Variants in ENG observed in about 807,000 individuals in gnomAD.
The protein encoded by ENG is CD105 antigen.
ENG carries 17 observed loss-of-function variants against 71.0 expected under a neutral mutation model. That is an observed-to-expected ratio of 0.24 (90% CI 0.16 to 0.36). The LOEUF (loss-of-function observed/expected upper bound fraction) is 0.36, where lower values mean the gene tolerates loss of function less well. Ranked by LOEUF, ENG falls within the 10% of genes least tolerant of loss-of-function variation. The probability of loss-of-function intolerance (pLI) is 1.00; values close to 1 mark genes in which losing one functional copy is unlikely to be tolerated. For missense variants in ENG, 749 were observed against 868.3 expected, an observed-to-expected ratio of 0.86 and a Z score of 1.73; for synonymous variants, 360 against 366.9, an observed-to-expected ratio of 0.98 and a Z score of 0.21.
intron 10 of ENG, chr9:127,819,132 T>C: frequency 2.7e-6 from 1 of 374,452 alleles, no homozygotes; most frequent in Non-Finnish European, 5.1e-6. Context: ...AGATACGGGG[T>C]TTCACCATGT....
chr9:127,843,535 T>A (rs969626115), intron 1 of ENG, among the ~76,000 whole-genome samples: 8 of 151,788 alleles, frequency 5.3e-5, no homozygotes, highest in Admixed American at 1.3e-4. Flanking sequence ...TGCATTTTTT[T>A]AAGTATTAGT....
chr9:127,832,784 G>A (rs989769505), intron 2 of ENG: 1 of 152,058 alleles, frequency 6.6e-6, no homozygotes, highest in Non-Finnish European at 1.5e-5. Flanking sequence ...TTGAGATGGA[G>A]TCTTGCTCTG....
chr9:127,849,206 G>A (rs190171650), intron 1 of ENG, among the ~76,000 whole-genome samples: 8 of 152,346 alleles, frequency 5.3e-5, no homozygotes, highest in South Asian at 2.1e-4. Flanking sequence ...GTAGGGGAAC[G>A]ACGTAGCAGT....
rs1467966974 is a variant in ENG, at chr9:127,825,621, GA to G, written c.689+73del. On this transcript the variant is annotated intron_variant, in intron 5 of 14. Transcript: ENST00000373203. Reference sequence around the variant, plus strand: ...GGGTGGGGCTTTATAAGGGACCGGAGAGGGGGCGGGGGGGGTCAGGGGGGTG... The same window carrying G: ...GGGTGGGGCTTTATAAGGGACCGGAGGGGGGCGGGGGGGGTCAGGGGGGTG... 6.9e-6 allele frequency: 9 copies of G among 1,304,402 alleles called. No individual in the cohort carries two copies. The East Asian group carries it at 8.2e-5, about 12-fold the overall frequency. The allele number at this position is 1,304,402 out of a possible 1,614,324, so 80.8% of individuals were successfully genotyped here. A position where few individuals can be genotyped will look rare whatever the true frequency, so the allele number is the denominator to read the frequency against.
chr9:127,838,837 C>T lies in ENG; in HGVS notation c.219+4257G>A, dbSNP rs1830963785. ...CTGCCCAGCGGGGCTGTCTGCAGAC[C>T]TGCCCAGCACACGCACTGAGCGGCA... On this transcript the variant is annotated intron_variant, in intron 2 of 14. Transcript: ENST00000373203. This position sits in a 1 kb window ranked among gnomAD's most constrained non-coding sequence, Gnocchi z 4.3. Among the ~76,000 whole-genome samples the T allele has an allele frequency of 6.6e-6, 1 of 152,186 alleles. No homozygotes were observed. Among genetic ancestry groups the T allele is most frequent in the African/African-American group, 2.4e-5 (1 of 41,438 alleles).
Position 127,829,749 on chromosome 9 carries a change from T to C in ENG, c.298A>G (p.Ser100Gly). ...TGCAGGAAGACACTGCTGTTTACAC[T>C]GAGGACCAGAAGCACCTCTCGGGGC... ...TWPREVLLVL[S>G]VNSSVFLHLQ... The change falls in exon 3 of 15, where the codon AGT becomes GGT. Residue 100 changes from serine to glycine, a missense_variant. By Grantham distance (56) the Ser-to-Gly change is moderately conservative. Transcript: ENST00000373203. 1 of 1,614,094 alleles carries C rather than the reference T, an allele frequency of 6.2e-7. No individual in the cohort carries two copies. The highest frequency in any genetic ancestry group is 1.1e-5 in the South Asian group (1 of 91,074).
At chr9:127,830,914 G>C (rs1830750593) in intron 2 of ENG, among the ~76,000 whole-genome samples, 1 of 151,890 alleles carries the variant, frequency 6.6e-6, no homozygotes, top group South Asian at 2.1e-4. Flanking sequence ...AATCCTGGGG[G>C]GTTGTTTTGG....
Position 127,850,622 on chromosome 9 carries a change from C to T in ENG, c.67+3667G>A, listed in dbSNP as rs192263479. On this transcript the variant is annotated intron_variant, in intron 1 of 14. Coordinates refer to ENST00000373203, the MANE Select transcript of ENG (RefSeq NM_001114753.3). ...AGAGACAGGTGTTTGTGGTCTCGCT[C>T]TTGCGCCACTGACCCTTCTCCAGCA... Among the ~76,000 whole-genome samples, 406 of 152,342 alleles carry T rather than the reference C, an allele frequency of 2.7e-3. 1 individual carries two copies. The highest frequency in any genetic ancestry group is 4.7e-3 in the Non-Finnish European group (319 of 68,044).
chr9:127,842,669 C>T (rs1230542947), intron 2 of ENG, among the ~76,000 whole-genome samples: 4 of 152,258 alleles, frequency 2.6e-5, no homozygotes, highest in South Asian at 2.1e-4. Flanking sequence ...GTGATCTACC[C>T]GCCTCGGCCT....
At chr9:127,821,880 T>TAAAAAAAAA (rs34166162) in intron 8 of ENG, among the ~76,000 whole-genome samples, 1 of 53,052 alleles carries the variant, frequency 1.9e-5, no homozygotes, top group Non-Finnish European at 3.6e-5. Context: ...GAGACTGTCT[T>TAAAAAAAAA]AAAAAAAAAA....
Position 127,817,205 on chromosome 9 carries a change from T to C in ENG, c.1687-2A>G, listed in dbSNP as rs2131873933. The C allele has an allele frequency of 6.2e-7, 1 of 1,614,182 alleles. No homozygotes were observed. Among genetic ancestry groups the C allele is most frequent in the South Asian group, 1.1e-5 (1 of 91,088 alleles). ...CATGAAGACAGTCCTATGGACTTCC[T>C]GGAGGAGAAAGAGAGAGCAGTATGT... On this transcript the variant is annotated splice_acceptor_variant, in intron 12 of 14. Coordinates refer to ENST00000373203, the MANE Select transcript of ENG (RefSeq NM_001114753.3). LOFTEE classifies it high-confidence loss of function.
chr9:127,845,268 C>T (rs1244661057), intron 1 of ENG, among the ~76,000 whole-genome samples: 1 of 152,216 alleles, frequency 6.6e-6, no homozygotes, highest in Non-Finnish European at 1.5e-5. Context: ...GGAGCCTCAC[C>T]GGCCTCCTTC....
chr9:127,849,022 T>A (rs1831234343), intron 1 of ENG, among the ~76,000 whole-genome samples: 1 of 152,202 alleles, frequency 6.6e-6, no homozygotes, highest in South Asian at 2.1e-4. Flanking sequence ...CCTGGTCATG[T>A]GCTTTGACCT....
intron 1 of ENG, among the ~76,000 whole-genome samples, chr9:127,844,291 A>T (rs1411334904): frequency 6.7e-6 from 1 of 149,180 alleles, no homozygotes; most frequent in African/African-American, 2.5e-5. Flanking sequence ...ATGCCTGGCT[A>T]ATTTTTTGTA....
At position 127,838,147 on chromosome 9, in the gene ENG, C is replaced by T. The variant is rs41528345; in HGVS notation, c.219+4947G>A. 0.015 allele frequency among the ~76,000 whole-genome samples: 2,272 copies of T among 152,304 alleles called. 45 individuals carry two copies. Among genetic ancestry groups the T allele is most frequent in the African/African-American group, 0.051 (2,115 of 41,566 alleles). On this transcript the variant is annotated intron_variant, in intron 2 of 14. Coordinates refer to ENST00000373203, the MANE Select transcript of ENG (RefSeq NM_001114753.3). This position sits in a 1 kb window ranked among gnomAD's most constrained non-coding sequence, Gnocchi z 4.3. ...CAACCATCCTTCAGGTCTGGGGGAGCTCACATAGCCATGCAGTGCTCCCCT... is the reference window on the plus strand; with the variant it reads ...CAACCATCCTTCAGGTCTGGGGGAGTTCACATAGCCATGCAGTGCTCCCCT...
At chr9:127,824,689 C>G (rs543490735) in intron 7 of ENG, 111 bp downstream of exon 7, 15 of 1,266,788 alleles carry the variant, frequency 1.2e-5, no homozygotes, top group African/African-American at 1.1e-4. Flanking sequence ...AAATGAGGCT[C>G]AGAGAGGCTG....
intron 2 of ENG, among the ~76,000 whole-genome samples, chr9:127,834,358 C>T (rs1293361087): frequency 2.0e-5 from 3 of 152,166 alleles, no homozygotes; most frequent in African/African-American, 7.2e-5. Context: ...CTGCCTCAGC[C>T]TCCCGAGCAG....
Position 127,828,019 on chromosome 9 carries a change from C to CAAAAAAAA in ENG, c.361-1355_361-1348dup, listed in dbSNP as rs997493323. Among the ~76,000 whole-genome samples, 181 of 31,180 alleles carry CAAAAAAAA rather than the reference C, an allele frequency of 5.8e-3. 13 individuals carry two copies. The highest frequency in any genetic ancestry group is 0.02 in the African/African-American group (150 of 7,416). 20.5% of individuals were successfully genotyped at this position (31,180 alleles called of 152,430 possible). A position where few individuals can be genotyped will look rare whatever the true frequency, so the allele number is the denominator to read the frequency against. On this transcript the variant is annotated intron_variant, in intron 3 of 14. Coordinates refer to ENST00000373203, the MANE Select transcript of ENG (RefSeq NM_001114753.3). ...GGGCAACAAGAGTGAAACTCCATCT[C>CAAAAAAAA]AAAAAAAAAAAAAAAAAAAAAAAAA...
intron 1 of ENG, among the ~76,000 whole-genome samples, chr9:127,845,193 C>T (rs946958321): frequency 6.6e-6 from 1 of 152,230 alleles, no homozygotes; most frequent in Non-Finnish European, 1.5e-5. Context: ...AGACTGGCTT[C>T]ATGTCCAGCC....
Sources: gnomAD v4.1 joint callset for allele counts (sites outside exome capture counted in the v4.1 genomes callset) on GRCh38, gnomAD v4.1.1 for gene constraint, Gnocchi (gnomAD v3.1) non-coding constraint, MANE v1.5 for transcripts, NCBI Gene and HGNC (gene_info 2026-07-23, HGNC 2026-07-21) for gene names.